DOCK5: variants seen among roughly 807,000 people sequenced by gnomAD.
DOCK5 encodes dedicator of cytokinesis protein 5.
Under a neutral mutation model 251.8 loss-of-function variants are expected in DOCK5, and 142 were observed. That is an observed-to-expected ratio of 0.56 (90% CI 0.49 to 0.65). DOCK5 has a LOEUF of 0.65. DOCK5 is among the 30% of genes least tolerant of loss of function. The pLI, the probability that DOCK5 is intolerant of heterozygous loss-of-function variation, is 0.00. For missense variants in DOCK5, 2,111 were observed against 2,312.3 expected (o/e 0.91, Z 1.79); for synonymous variants, 842 against 835.5 (o/e 1.01, Z -0.13).
intron 47 of DOCK5, among the ~76,000 whole-genome samples, chr8:25,403,012 T>C (rs1012954738): frequency 1.1e-4 from 16 of 152,212 alleles, no homozygotes; most frequent in African/African-American, 3.9e-4. Context: ...CAGCAAAGAC[T>C]GTCTTCGATT....
Position 25,415,522 on chromosome 8 carries a change from A to G in DOCK5, c.*4224A>G, listed in dbSNP as rs529038135. On this transcript the variant is annotated 3_prime_UTR_variant, in exon 52 of 52. Transcript: ENST00000276440. ...GCTGGTCTGCAGTATCAGATGTCCA[A>G]ACTCATCTACTATTAGCCATATTTT... 2.6e-5 allele frequency: 4 copies of G among 152,282 alleles called. No homozygotes were observed. Among genetic ancestry groups the G allele is most frequent in the South Asian group, 2.1e-4 (1 of 4,816 alleles). 9.4% of individuals were successfully genotyped at this position (152,282 alleles called of 1,614,324 possible). A position where few individuals can be genotyped will look rare whatever the true frequency, so the allele number is the denominator to read the frequency against.
Position 25,275,336 on chromosome 8 carries a change from G to T in DOCK5, c.169-50G>T, listed in dbSNP as rs376195259. The T allele has an allele frequency of 6.9e-5, 104 of 1,497,056 alleles. 2 individuals carry two copies. In the South Asian group the frequency reaches 7.6e-4, roughly 11 times the overall value. The allele number at this position is 1,497,056 out of a possible 1,614,324, so 92.7% of individuals were successfully genotyped here. ...CTTTGGGCTGAGGTGTTTTTGTTTG[G>T]TTTTTGTTTTGTTTTTATGGCCATA... On this transcript the variant is annotated intron_variant, in intron 3 of 51. Transcript: ENST00000276440.
At chr8:25,279,006 T>C (rs1804116802) in intron 5 of DOCK5, among the ~76,000 whole-genome samples, 1 of 152,198 alleles carries the variant, frequency 6.6e-6, no homozygotes, top group African/African-American at 2.4e-5. Flanking sequence ...ATAAAGTAGG[T>C]GCAATTATTA....
At chr8:25,381,285 G>T (rs4872309) in intron 39 of DOCK5, among the ~76,000 whole-genome samples, 3 of 152,012 alleles carry the variant, frequency 2.0e-5, no homozygotes, top group Non-Finnish European at 4.4e-5. Flanking sequence ...TTACCAGTGT[G>T]CTATTACCAG....
intron 1 of DOCK5, among the ~76,000 whole-genome samples, chr8:25,234,181 A>G (rs1395220864): frequency 3.3e-5 from 5 of 152,364 alleles, no homozygotes; most frequent in East Asian, 1.9e-4. Context: ...TCATTCATGT[A>G]CATATAGAGA....
At chr8:25,369,240 A>G (rs1344433467) in intron 33 of DOCK5, among the ~76,000 whole-genome samples, 1 of 152,240 alleles carries the variant, frequency 6.6e-6, no homozygotes, top group African/African-American at 2.4e-5. Flanking sequence ...GCAGAGACTT[A>G]GACATGAAAC....
chr8:25,261,407 G>A (rs2117583833), intron 2 of DOCK5, among the ~76,000 whole-genome samples: 1 of 152,304 alleles, frequency 6.6e-6, no homozygotes, highest in South Asian at 2.1e-4. Context: ...GATGAATAAT[G>A]TCTTTGGGAA....
chr8:25,303,362 G>A (rs1804817728), intron 10 of DOCK5, among the ~76,000 whole-genome samples: 1 of 152,142 alleles, frequency 6.6e-6, no homozygotes, highest in Non-Finnish European at 1.5e-5. Flanking sequence ...ATTGATTTTA[G>A]TGGAATAAAA....
At chr8:25,264,066 T>A (rs1803665852) in intron 2 of DOCK5, among the ~76,000 whole-genome samples, 1 of 151,832 alleles carries the variant, frequency 6.6e-6, no homozygotes, top group South Asian at 2.1e-4. Flanking sequence ...TCCTGTTGAT[T>A]CATATATATC....
chr8:25,370,557 T>G (rs1800855378), intron 34 of DOCK5, among the ~76,000 whole-genome samples: 1 of 152,120 alleles, frequency 6.6e-6, no homozygotes, highest in South Asian at 2.1e-4. Flanking sequence ...CAGGCTGGAG[T>G]GCAGTGGTGC....
At chr8:25,310,291 T>C (rs1172752778) in intron 12 of DOCK5, 116 bp from the exon 13 acceptor site, 2 of 1,073,952 alleles carry the variant, frequency 1.9e-6, no homozygotes, top group Non-Finnish European at 2.5e-6. Flanking sequence ...TGGGGGAGAA[T>C]TTACATCTTT....
intron 1 of DOCK5, among the ~76,000 whole-genome samples, chr8:25,228,390 T>C (rs1017061472): frequency 6.6e-6 from 1 of 151,940 alleles, no homozygotes; most frequent in African/African-American, 2.4e-5. Context: ...TAGGATGGAG[T>C]TCAAGGGTGA....
At chr8:25,200,071 G>A (rs1801843950) in intron 1 of DOCK5, among the ~76,000 whole-genome samples, 1 of 152,196 alleles carries the variant, frequency 6.6e-6, no homozygotes, top group Non-Finnish European at 1.5e-5. Context: ...TACATTTGAT[G>A]TCTTTTATAA....
At chr8:25,275,270 G>T in intron 3 of DOCK5, 116 bp from the exon 4 acceptor site, 1 of 733,982 alleles carries the variant, frequency 1.4e-6, no homozygotes, top group Non-Finnish European at 2.2e-6. Context: ...CTGATCTCAG[G>T]AGTTTAGCTA....
At chr8:25,349,854 A>G (rs1428590461) in intron 26 of DOCK5, among the ~76,000 whole-genome samples, 1 of 152,178 alleles carries the variant, frequency 6.6e-6, no homozygotes, top group Non-Finnish European at 1.5e-5. Context: ...AAATCTCAGA[A>G]TCACCAATAA....
intron 25 of DOCK5, among the ~76,000 whole-genome samples, chr8:25,343,031 C>T (rs2117234893): frequency 6.6e-6 from 1 of 151,916 alleles, no homozygotes; most frequent in African/African-American, 2.4e-5. Flanking sequence ...CGGAATCTCA[C>T]TCCCTCACCT....
chr8:25,410,236 G>C, intron 51 of DOCK5, 34 bp downstream of exon 51: 1 of 1,582,260 alleles, frequency 6.3e-7, no homozygotes, highest in Non-Finnish European at 8.7e-7. Flanking sequence ...TGTGGCCAGG[G>C]AGCGCCACTC....
chr8:25,197,573 GTCTTTTT>G (rs1801761520), intron 1 of DOCK5, among the ~76,000 whole-genome samples: 1 of 61,744 alleles, frequency 1.6e-5, no homozygotes. Context: ...TCGTGTCTTT[GTCTTTTT>G]TTTTTTTTTT....
intron 6 of DOCK5, among the ~76,000 whole-genome samples, chr8:25,295,277 AT>A (rs1366968076): frequency 0.015 from 2,217 of 145,324 alleles, 54 homozygotes; most frequent in African/African-American, 0.05. Context: ...CATCTCTACA[AT>A]TTTTTTTTTT....
Sources: allele counts gnomAD v4.1 joint callset (sites outside exome capture counted in the v4.1 genomes callset), GRCh38; gene constraint gnomAD v4.1.1; transcripts MANE v1.5; gene names NCBI Gene and HGNC (gene_info 2026-07-23, HGNC 2026-07-21).